RREB1: variants seen among roughly 807,000 people sequenced by gnomAD.
RREB1 encodes ras-responsive element-binding protein 1.
In RREB1, 27 loss-of-function variants were observed where a neutral mutation model predicts 117.8. The observed-to-expected ratio is 0.23, with a 90% CI of 0.17 to 0.32. The LOEUF (loss-of-function observed/expected upper bound fraction) is 0.32. Ranked by LOEUF, RREB1 falls within the 10% of genes least tolerant of loss-of-function variation. The probability of loss-of-function intolerance (pLI) is 1.00; values close to 1 mark genes in which losing one functional copy is unlikely to be tolerated. For synonymous variants in RREB1, 1,298 were observed against 1,026.7 expected (o/e 1.26, Z -5.05); for missense variants, 2,577 against 2,378.2 (o/e 1.08, Z -1.74).
chr6:7,120,936 G>T (rs1221448560), intron 1 of RREB1, among the ~76,000 whole-genome samples: 2 of 148,676 alleles, frequency 1.3e-5, no homozygotes, highest in Non-Finnish European at 3.0e-5. Flanking sequence ...TCTCCCTCCT[G>T]CCTCAGCCTC....
At chr6:7,237,685 T>C (rs1304501966) in intron 10 of RREB1, among the ~76,000 whole-genome samples, 6 of 152,350 alleles carry the variant, frequency 3.9e-5, no homozygotes, top group African/African-American at 1.4e-4. Context: ...CTACTTTCTA[T>C]ATAGATGGCT....
At position 7,246,627 on chromosome 6, in the gene RREB1, G is replaced by A; in HGVS notation, c.4177G>A (p.Glu1393Lys). 1.9e-6 allele frequency: 3 copies of A among 1,569,120 alleles called. No individual in the cohort carries two copies. The highest frequency in any genetic ancestry group is 2.6e-6 in the Non-Finnish European group (3 of 1,157,316). ...TGGGGAGAGCCATGAGCCGGAGGAG[G>A]AGCATGGCACTGAGGAGAGCACTGG... ...GRGESHEPEE[E>K]HGTEESTGDA... Residue 1393 changes from glutamate to lysine, a missense_variant, in exon 12 of 13, where the codon GAG (glutamate) becomes AAG (lysine). Coordinates refer to ENST00000379938, the MANE Select transcript of RREB1 (RefSeq NM_001003699.4).
intron 6 of RREB1, among the ~76,000 whole-genome samples, chr6:7,209,380 G>A (rs1766456069): frequency 6.6e-6 from 1 of 152,154 alleles, no homozygotes; most frequent in African/African-American, 2.4e-5. Context: ...ATTGGAGTGT[G>A]AAAAACTTGC....
At chr6:7,124,067 A>G (rs185216371) in intron 1 of RREB1, among the ~76,000 whole-genome samples, 1 of 152,174 alleles carries the variant, frequency 6.6e-6, no homozygotes, top group East Asian at 1.9e-4. Context: ...GAGTGTATGC[A>G]TGTTTGGTCC....
intron 10 of RREB1, among the ~76,000 whole-genome samples, chr6:7,234,020 A>G (rs1337793531): frequency 6.6e-6 from 1 of 151,382 alleles, no homozygotes; most frequent in African/African-American, 2.5e-5. Flanking sequence ...CCAGGGATTG[A>G]GGAGTAGCAA....
At chr6:7,151,762 G>A (rs1341077551) in intron 1 of RREB1, among the ~76,000 whole-genome samples, 1 of 152,090 alleles carries the variant, frequency 6.6e-6, no homozygotes, top group Non-Finnish European at 1.5e-5. Context: ...AGATCATCTT[G>A]TTAAGTTCTC....
intron 1 of RREB1, among the ~76,000 whole-genome samples, chr6:7,152,935 G>C: frequency 6.6e-6 from 1 of 152,262 alleles, no homozygotes; most frequent in East Asian, 1.9e-4. Flanking sequence ...AGACCTGAAA[G>C]GTCCTATGCG....
chr6:7,150,342 T>A (rs1382961432), intron 1 of RREB1, among the ~76,000 whole-genome samples: 1 of 152,272 alleles, frequency 6.6e-6, no homozygotes, highest in African/African-American at 2.4e-5. Flanking sequence ...TTAGGTTTGC[T>A]GTAACGCATG....
intron 6 of RREB1, among the ~76,000 whole-genome samples, chr6:7,192,801 A>G (rs1301941981): frequency 6.6e-6 from 1 of 152,124 alleles, no homozygotes; most frequent in Non-Finnish European, 1.5e-5. Flanking sequence ...TTACTGTTCT[A>G]AACATTATTA....
intron 6 of RREB1, among the ~76,000 whole-genome samples, chr6:7,196,557 G>A (rs1406759868): frequency 6.6e-6 from 1 of 152,080 alleles, no homozygotes; most frequent in Non-Finnish European, 1.5e-5. Flanking sequence ...TTGTAGCACT[G>A]ATAAAGCCTA....
intron 11 of RREB1, among the ~76,000 whole-genome samples, chr6:7,245,012 C>G (rs1476281445): frequency 6.6e-6 from 1 of 152,208 alleles, no homozygotes; most frequent in African/African-American, 2.4e-5. Context: ...CACATCTGGC[C>G]TATTGAGGGA....
At chr6:7,116,652 A>G (rs901966916) in intron 1 of RREB1, among the ~76,000 whole-genome samples, 3 of 152,248 alleles carry the variant, frequency 2.0e-5, no homozygotes, top group Non-Finnish European at 4.4e-5. Flanking sequence ...AATGAAGGAA[A>G]TAGACATGAA....
intron 1 of RREB1, among the ~76,000 whole-genome samples, chr6:7,143,851 CTTTTT>C (rs11365387): frequency 3.7e-4 from 33 of 89,380 alleles, no homozygotes; most frequent in African/African-American, 5.1e-4. Context: ...TTTTTTCTTT[CTTTTT>C]TTTTTTTTTT....
At chr6:7,179,510 G>T (rs1480390632) in intron 2 of RREB1, among the ~76,000 whole-genome samples, 1 of 152,196 alleles carries the variant, frequency 6.6e-6, no homozygotes, top group Non-Finnish European at 1.5e-5. Context: ...TTTCTAGTCA[G>T]TTATGTTGTA....
intron 12 of RREB1, 104 bp from the exon 13 acceptor site, chr6:7,248,407 C>G: frequency 1.0e-6 from 1 of 961,946 alleles, no homozygotes; most frequent in South Asian, 1.6e-5. Flanking sequence ...GGAGTCCTGG[C>G]CCCCCGCACA....
chr6:7,184,518 C>T (rs1764975208), intron 4 of RREB1: 3 of 151,858 alleles, frequency 2.0e-5, no homozygotes. Context: ...CTCAGCCTCC[C>T]AAAGTGCTGG....
intron 6 of RREB1, among the ~76,000 whole-genome samples, chr6:7,198,622 G>A (rs1765785578): frequency 6.6e-6 from 1 of 152,168 alleles, no homozygotes; most frequent in Non-Finnish European, 1.5e-5. Flanking sequence ...CCTTATATAT[G>A]TTGGGCGTTT....
chr6:7,148,526 A>T lies in RREB1; in HGVS notation c.-284-28129A>T, dbSNP rs1293899617. ...CATGGCCAACAGAGCCATGTGGTACAGTGGCAAAAGTAAAGTGGGGGGGGG... is the reference window on the plus strand; with the variant it reads ...CATGGCCAACAGAGCCATGTGGTACTGTGGCAAAAGTAAAGTGGGGGGGGG... On this transcript the variant is annotated intron_variant, in intron 1 of 12. Transcript: ENST00000379938. Among the ~76,000 whole-genome samples the T allele has an allele frequency of 6.9e-5, 9 of 130,088 alleles. No homozygotes were observed. In the Admixed American group the frequency reaches 7.3e-4, roughly 11 times the overall value. The allele number at this position is 130,088 out of a possible 152,430, so 85.3% of individuals were successfully genotyped here. A position where few individuals can be genotyped will look rare whatever the true frequency, so the allele number is the denominator to read the frequency against.
At chr6:7,205,845 A>G (rs923218925) in intron 6 of RREB1, among the ~76,000 whole-genome samples, 3 of 152,174 alleles carry the variant, frequency 2.0e-5, no homozygotes, top group Non-Finnish European at 4.4e-5. Context: ...AAATGATTAC[A>G]CTTGTGGGAG....
Sources: allele counts gnomAD v4.1 joint callset (sites outside exome capture counted in the v4.1 genomes callset), GRCh38; gene constraint gnomAD v4.1.1; transcripts MANE v1.5; gene names NCBI Gene and HGNC (gene_info 2026-07-23, HGNC 2026-07-21).